The following MMP3 variants were observed in gnomAD, a reference collection of about 807,000 sequenced individuals.
MMP3 encodes stromelysin-1.
MMP3 carries 46 observed loss-of-function variants against 47.3 expected under a neutral mutation model. The observed-to-expected ratio is 0.97, with a 90% CI of 0.77 to 1.24. The LOEUF is 1.24. Among genes scored for constraint, MMP3 ranks in the 50% most tolerant of loss-of-function variants. The pLI, the probability that MMP3 is intolerant of heterozygous loss-of-function variation, is 0.00. For missense variants in MMP3, 558 were observed against 565.5 expected (o/e 0.99, Z 0.13); for synonymous variants, 216 against 206.5 (o/e 1.05, Z -0.39).
chr11:102,842,121 T>G (rs914163166), intron 4 of MMP3, 33 bp downstream of exon 4: 10 of 1,497,632 alleles, frequency 6.7e-6, no homozygotes, highest in African/African-American at 1.4e-5. Flanking sequence ...AAAAAATTAA[T>G]GCCAAAATCA....
Position 102,840,452 on chromosome 11 carries a change from A to T in MMP3, c.767T>A (p.Ile256Lys). 6.2e-7 allele frequency: 1 copy of T among 1,614,046 alleles called. No homozygotes were observed. Among genetic ancestry groups the T allele is most frequent in the Non-Finnish European group, 8.5e-7 (1 of 1,179,980 alleles). Reference protein sequence around the residue: ...LTRFRLSQDDINGIQSLYGPP... With the variant: ...LTRFRLSQDDKNGIQSLYGPP... ...ACCATAGAGGGACTGAATGCCATTT[A>T]TATCATCTTGAGACAGGCGGAACCG... Residue 256 changes from isoleucine to lysine, a missense_variant, in exon 5 of 10, where the codon ATA becomes AAA. Coordinates refer to ENST00000299855, the MANE Select transcript of MMP3 (RefSeq NM_002422.5).
In MMP3 at chr11:102,836,287, T is replaced by A; in HGVS notation, c.1334-61A>T. The A allele has an allele frequency of 1.5e-6, 2 of 1,301,380 alleles. No homozygotes were observed. Among genetic ancestry groups the A allele is most frequent in the East Asian group, 2.3e-5 (1 of 43,228 alleles). The allele number at this position is 1,301,380 out of a possible 1,614,324, so 80.6% of individuals were successfully genotyped here. A position where few individuals can be genotyped will look rare whatever the true frequency, so the allele number is the denominator to read the frequency against. On this transcript the variant is annotated intron_variant, in intron 9 of 9. Coordinates refer to ENST00000299855, the MANE Select transcript of MMP3 (RefSeq NM_002422.5). The surrounding 1 kb of genome is among the most constrained non-coding windows in gnomAD (Gnocchi z 4.6). Reference sequence around the variant, plus strand: ...TTCCAAATAAAGACATTTGACAATATACAAAACTCAGAATCATAGAGAACT... The same window carrying A: ...TTCCAAATAAAGACATTTGACAATAAACAAAACTCAGAATCATAGAGAACT...
rs1167005446 is a variant in MMP3, at chr11:102,837,423, G to A, written c.1230-22C>T. On this transcript the variant is annotated intron_variant, in intron 8 of 9. Coordinates refer to ENST00000299855, the MANE Select transcript of MMP3 (RefSeq NM_002422.5). The surrounding 1 kb of genome is among the most constrained non-coding windows in gnomAD (Gnocchi z 4.4). The stretch of plus-strand genomic sequence containing the variant: ...AAATCTGTACCAAGTAAAAGAAACA[G>A]CTCAGCATTGCATAGAGGCCATGTT... The A allele has an allele frequency of 2.6e-6, 4 of 1,551,278 alleles. No individual in the cohort carries two copies. In the Admixed American group the frequency reaches 6.7e-5, roughly 26 times the overall value.
At position 102,842,289 on chromosome 11, in the gene MMP3, A is replaced by G. The variant is rs782367839; in HGVS notation, c.500-10T>C. ...TAAAAGTCTCCATGTTCTAGTAGGA[A>G]AAAAATTTATTGGAAAGATATGTAA... On this transcript the variant is annotated splice_polypyrimidine_tract_variant and intron_variant, in intron 3 of 9. Coordinates refer to ENST00000299855, the MANE Select transcript of MMP3 (RefSeq NM_002422.5). The G allele has an allele frequency of 6.3e-7, 1 of 1,594,584 alleles. No individual in the cohort carries two copies. The highest frequency in any genetic ancestry group is 8.5e-7 in the Non-Finnish European group (1 of 1,174,220).
At chr11:102,842,067 T>C in intron 4 of MMP3, 87 bp downstream of exon 4, 1 of 1,311,062 alleles carries the variant, frequency 7.6e-7, no homozygotes, top group Non-Finnish European at 1.0e-6. Flanking sequence ...CCAGAACATC[T>C]CATTTCTTGA....
chr11:102,838,277 G>T (rs1858921378), intron 8 of MMP3, among the ~76,000 whole-genome samples: 1 of 152,124 alleles, frequency 6.6e-6, no homozygotes, highest in African/African-American at 2.4e-5. Flanking sequence ...TGAAGGATGG[G>T]CAAGATTTGA....
intron 3 of MMP3, 24 bp downstream of exon 3, chr11:102,842,407 T>TTTTTTTTTTTTTTTTTTTTTC: frequency 1.4e-6 from 1 of 710,170 alleles, no homozygotes; most frequent in South Asian, 2.8e-5. Context: ...TGTTTTGCTT[T>TTTTTTTTTTTTTTTTTTTTTC]TTTTTTTTTT....
intron 6 of MMP3, 105 bp downstream of exon 6, chr11:102,840,003 C>A (rs1027904202): frequency 1.6e-6 from 2 of 1,259,310 alleles, no homozygotes; most frequent in Non-Finnish European, 1.1e-6. Flanking sequence ...TCAGAAGAAA[C>A]GTTTTTGTTT....
At chr11:102,841,096 A>C (rs1858988902) in intron 4 of MMP3, among the ~76,000 whole-genome samples, 1 of 152,250 alleles carries the variant, frequency 6.6e-6, no homozygotes, top group African/African-American at 2.4e-5. Context: ...AAAAACATGA[A>C]TAATGATAGA....
At position 102,843,489 on chromosome 11, in the gene MMP3, A is replaced by G. The variant is rs116604710; in HGVS notation, c.58T>C (p.Leu20=). The G allele has an allele frequency of 2.1e-3, 3,414 of 1,613,726 alleles. 57 individuals carry two copies. In the African/African-American group the frequency reaches 0.036, roughly 17 times the overall value. Residue 20 remains leucine, a synonymous_variant, in exon 1 of 10, where the codon TTG becomes CTG. Transcript: ENST00000299855. The stretch of plus-strand genomic sequence containing the variant: ...TCCTCACCCCTTGCAGCTCCATCCA[A>G]TGGATAGGCTGAGCAAACTGCCACG... ...LCVAVCSAYP[L]DGAARGEDTS... is the part of the protein sequence containing the mutation.
At chr11:102,843,196 T>C (rs1483854970) in intron 1 of MMP3, among the ~76,000 whole-genome samples, 1 of 152,172 alleles carries the variant, frequency 6.6e-6, no homozygotes, top group Non-Finnish European at 1.5e-5. Flanking sequence ...CTGCTACTGC[T>C]ATGGTGTTGT....
chr11:102,838,509 C>T (rs1555004913), intron 8 of MMP3, 42 bp downstream of exon 8: 1 of 1,579,192 alleles, frequency 6.3e-7, no homozygotes, highest in South Asian at 1.2e-5. Flanking sequence ...AACTAATTTC[C>T]CTAATTAGGC....
In MMP3 at chr11:102,837,428, G is replaced by A; in HGVS notation, c.1230-27C>T. ...TGTACCAAGTAAAAGAAACAGCTCA[G>A]CATTGCATAGAGGCCATGTTACCGA... On this transcript the variant is annotated intron_variant, in intron 8 of 9. Transcript: ENST00000299855. The surrounding 1 kb of genome is among the most constrained non-coding windows in gnomAD (Gnocchi z 4.4). 1 of 1,526,416 alleles carries A rather than the reference G, an allele frequency of 6.6e-7. No homozygotes were observed. The highest frequency in any genetic ancestry group is 9.1e-7 in the Non-Finnish European group (1 of 1,102,378). The allele number at this position is 1,526,416 out of a possible 1,614,324, so 94.6% of individuals were successfully genotyped here. A position where few individuals can be genotyped will look rare whatever the true frequency, so the allele number is the denominator to read the frequency against.
chr11:102,843,241 T>C (rs1555005898), intron 1 of MMP3, among the ~76,000 whole-genome samples: 1 of 152,180 alleles, frequency 6.6e-6, no homozygotes, highest in Non-Finnish European at 1.5e-5. Flanking sequence ...TTTCTGGCCT[T>C]TGTTTCTTCC....
intron 1 of MMP3, 96 bp from the exon 2 acceptor site, chr11:102,843,012 A>G: frequency 2.8e-6 from 3 of 1,084,278 alleles, no homozygotes; most frequent in South Asian, 3.6e-5. Flanking sequence ...TTCTTAATCT[A>G]TTTGGAGTAT....
In MMP3 at chr11:102,838,614, T is replaced by A; in HGVS notation, c.1166A>T (p.Asp389Val). Residue 389 changes from aspartate (D) to valine (V), a missense_variant, in exon 8 of 10, where the codon GAT (aspartate) becomes GTT (valine). Asp to Val is a radical substitution (Grantham distance 152, BLOSUM62 -3). Coordinates refer to ENST00000299855, the MANE Select transcript of MMP3 (RefSeq NM_002422.5). ...LGFPPTVRKI[D>V]AAISDKEKNK... ...CTTTTCCTTATCAGAAATGGCTGCATCGATTTTCCTCACGGTTGGAGGGAA... is the reference window on the plus strand; with the variant it reads ...CTTTTCCTTATCAGAAATGGCTGCAACGATTTTCCTCACGGTTGGAGGGAA... 6.2e-7 allele frequency: 1 copy of A among 1,613,626 alleles called. No homozygotes were observed. The highest frequency in any genetic ancestry group is 8.5e-7 in the Non-Finnish European group (1 of 1,179,972).
Position 102,842,243 on chromosome 11 carries a change from T to C in MMP3, c.536A>G (p.Asn179Ser). 2 of 1,608,674 alleles carry C rather than the reference T, an allele frequency of 1.2e-6. No individual in the cohort carries two copies. Among genetic ancestry groups the C allele is most frequent in the South Asian group, 1.1e-5 (1 of 89,914 alleles). Residue 179 changes from asparagine to serine, a missense_variant, in exon 4 of 10, where the codon AAT becomes AGT. Transcript: ENST00000299855. ...GDFYPFDGPG[N>S]VLAHAYAPGP... ...AGGGGCATAGGCATGGGCCAAAACA[T>C]TTCCAGGTCCATCAAAAGGGTAAAA...
rs554295065 is a variant in MMP3, at chr11:102,835,991, C to T, written c.*135G>A. On this transcript the variant is annotated 3_prime_UTR_variant, in exon 10 of 10. Transcript: ENST00000299855. ...AAATGACCGGCAAGATACAGATTCA[C>T]GCTCAAGTTCCCTTGAGTGTGACTC... The T allele has an allele frequency of 1.1e-4, 75 of 654,598 alleles. No homozygotes were observed. The highest frequency in any genetic ancestry group is 5.6e-4 in the Middle Eastern group (2 of 3,542). 40.5% of individuals were successfully genotyped at this position (654,598 alleles called of 1,614,324 possible). A position where few individuals can be genotyped will look rare whatever the true frequency, so the allele number is the denominator to read the frequency against.
chr11:102,841,608 T>C (rs1858998540), intron 4 of MMP3, among the ~76,000 whole-genome samples: 1 of 152,072 alleles, frequency 6.6e-6, no homozygotes, highest in Admixed American at 6.5e-5. Flanking sequence ...AACATTCTTC[T>C]ACCTAAACAG....
Sources: allele counts gnomAD v4.1 joint callset (sites outside exome capture counted in the v4.1 genomes callset), GRCh38; gene constraint gnomAD v4.1.1; non-coding constraint Gnocchi (gnomAD v3.1); transcripts MANE v1.5; gene names NCBI Gene and HGNC (gene_info 2026-07-23, HGNC 2026-07-21).